TRPM3: variants seen among roughly 807,000 people sequenced by gnomAD.
The protein encoded by TRPM3 is transient receptor potential cation channel subfamily M member 3.
In TRPM3, 77 loss-of-function variants were observed where a neutral mutation model predicts 181.2. That is an observed-to-expected ratio of 0.42 (90% CI 0.35 to 0.51). TRPM3 has a LOEUF of 0.51. Ranked by LOEUF, TRPM3 falls within the 20% of genes least tolerant of loss-of-function variation. The pLI, the probability that TRPM3 is intolerant of heterozygous loss-of-function variation, is 0.01. For missense variants in TRPM3, 1,759 were observed against 2,196.7 expected (o/e 0.80, Z 3.98); for synonymous variants, 745 against 796.4 (o/e 0.94, Z 1.09).
intron 22 of TRPM3, among the ~76,000 whole-genome samples, chr9:70,563,384 A>T: frequency 6.6e-6 from 1 of 152,178 alleles, no homozygotes; most frequent in East Asian, 1.9e-4. Flanking sequence ...GTGTTGATAG[A>T]TACCTGATAA....
chr9:70,804,381 A>G (rs1588586490), intron 6 of TRPM3, among the ~76,000 whole-genome samples: 1 of 152,190 alleles, frequency 6.6e-6, no homozygotes, highest in African/African-American at 2.4e-5. Flanking sequence ...TCTTTATTGG[A>G]TATACTATGT....
At chr9:71,137,044 A>AC (rs1237870286) in intron 1 of TRPM3, among the ~76,000 whole-genome samples, 2 of 152,164 alleles carry the variant, frequency 1.3e-5, no homozygotes, top group Non-Finnish European at 2.9e-5. Flanking sequence ...CTGAACCAAG[A>AC]CTAGTACAAG....
chr9:71,030,068 T>C (rs931294633), intron 1 of TRPM3, among the ~76,000 whole-genome samples: 1 of 152,228 alleles, frequency 6.6e-6, no homozygotes, highest in Non-Finnish European at 1.5e-5. Flanking sequence ...ATAAGATCTC[T>C]AAGTATACAC....
chr9:70,535,219 A>G lies in TRPM3; in HGVS notation c.*734T>C. 1 of 605,134 alleles carries G rather than the reference A, an allele frequency of 1.7e-6. No homozygotes were observed. Among genetic ancestry groups the G allele is most frequent in the South Asian group, 2.5e-5 (1 of 39,772 alleles). 37.5% of individuals were successfully genotyped at this position (605,134 alleles called of 1,614,324 possible). A position where few individuals can be genotyped will look rare whatever the true frequency, so the allele number is the denominator to read the frequency against. ...CTTGACTTTTGTTTTTTTAACATCA[A>G]CTCTTCTTTCATTTCGATTGCAATA... On this transcript the variant is annotated 3_prime_UTR_variant, in exon 26 of 26. Transcript: ENST00000677713.
chr9:70,879,869 C>A (rs1030964098), intron 1 of TRPM3, among the ~76,000 whole-genome samples: 11 of 152,086 alleles, frequency 7.2e-5, no homozygotes, highest in Non-Finnish European at 1.6e-4. Context: ...TACACTGAAT[C>A]ACATGTGCAA....
Position 71,039,272 on chromosome 9 carries a change from T to G in TRPM3, c.177+81906A>C, listed in dbSNP as rs182502457. On this transcript the variant is annotated intron_variant, in intron 1 of 25. Coordinates refer to ENST00000677713, the MANE Select transcript of TRPM3 (RefSeq NM_001366145.2). ...CTGTCTCTAAGCTTCAGCTTTCTCA[T>G]GTGCAGAATCAAGAATTCAAAACTA... 1.8e-4 allele frequency among the ~76,000 whole-genome samples: 27 copies of G among 152,136 alleles called. 1 individual carries two copies. The highest frequency in any genetic ancestry group is 1.8e-3 in the Admixed American group (27 of 15,260).
At chr9:70,951,547 A>G (rs1015144677) in intron 1 of TRPM3, among the ~76,000 whole-genome samples, 1 of 152,084 alleles carries the variant, frequency 6.6e-6, no homozygotes, top group African/African-American at 2.4e-5. Flanking sequence ...TCATCATGTT[A>G]GCCAGACTGG....
At chr9:71,294,897 G>A (rs886176531) in intron 1 of TRPM3, among the ~76,000 whole-genome samples, 2 of 152,048 alleles carry the variant, frequency 1.3e-5, no homozygotes, top group African/African-American at 2.4e-5. Flanking sequence ...CCATTTATAT[G>A]AAATGGACAA....
Position 70,783,988 on chromosome 9 carries a change from G to C in TRPM3, c.1148+117C>G, listed in dbSNP as rs977204478. The C allele has an allele frequency of 1.4e-5, 21 of 1,480,662 alleles. No individual in the cohort carries two copies. In the Admixed American group the frequency reaches 4.5e-4, roughly 32 times the overall value. 91.7% of individuals were successfully genotyped at this position (1,480,662 alleles called of 1,614,324 possible). On this transcript the variant is annotated intron_variant, in intron 7 of 25. Transcript: ENST00000677713. ...ATGACAGACATTTTTTAGACAATTT[G>C]TTCATAGCTTGTTTTGATTTGAGGT...
intron 22 of TRPM3, among the ~76,000 whole-genome samples, chr9:70,576,041 T>C (rs1381834752): frequency 1.3e-5 from 2 of 152,218 alleles, no homozygotes; most frequent in East Asian, 3.8e-4. Context: ...ATGAGCCATG[T>C]CTCATTTGTA....
At chr9:71,288,427 A>T (rs559111674) in intron 1 of TRPM3, among the ~76,000 whole-genome samples, 1 of 152,210 alleles carries the variant, frequency 6.6e-6, no homozygotes, top group South Asian at 2.1e-4. Context: ...ATACAGGGAG[A>T]CAAACAGACA....
At chr9:70,930,962 A>C (rs1458143472) in intron 1 of TRPM3, among the ~76,000 whole-genome samples, 2 of 152,146 alleles carry the variant, frequency 1.3e-5, no homozygotes. Flanking sequence ...TTAGAAAATG[A>C]GACCTCCAAT....
At chr9:71,048,084 C>A (rs577272933) in intron 1 of TRPM3, among the ~76,000 whole-genome samples, 2 of 152,274 alleles carry the variant, frequency 1.3e-5, no homozygotes, top group Non-Finnish European at 2.9e-5. Context: ...TAGGTTGGTA[C>A]AAAAGTTATC....
At chr9:70,784,025 T>C in intron 7 of TRPM3, 80 bp downstream of exon 7, 2 of 1,516,878 alleles carry the variant, frequency 1.3e-6, no homozygotes, top group Non-Finnish European at 1.8e-6. Context: ...TTGGTTGAGC[T>C]ACTGAAAACA....
intron 24 of TRPM3, among the ~76,000 whole-genome samples, chr9:70,551,910 G>A (rs1363249750): frequency 6.6e-6 from 1 of 152,208 alleles, no homozygotes. Context: ...TAATGTAAAT[G>A]TCTAGAAAGA....
chr9:71,024,083 T>C (rs2097869537), intron 1 of TRPM3, among the ~76,000 whole-genome samples: 1 of 152,206 alleles, frequency 6.6e-6, no homozygotes. Flanking sequence ...AGATGCAAAA[T>C]GTATCATTGG....
In TRPM3 at chr9:71,037,475, G is replaced by A. The variant is rs117787999; in HGVS notation, c.177+83703C>T. 4.9e-3 allele frequency among the ~76,000 whole-genome samples: 754 copies of A among 152,362 alleles called. 18 individuals carry two copies. In the East Asian group the frequency reaches 0.078, roughly 16 times the overall value. On this transcript the variant is annotated intron_variant, in intron 1 of 25. Transcript: ENST00000677713. ...ACATTTTTATGTAAATATGTGATAT[G>A]TGTGCATATAATATATGGCTTCAAA...
At chr9:70,700,262 C>T (rs985586115) in intron 8 of TRPM3, among the ~76,000 whole-genome samples, 9 of 152,230 alleles carry the variant, frequency 5.9e-5, no homozygotes, top group Middle Eastern at 3.4e-3. Flanking sequence ...GGATTATAGG[C>T]GTGAGCCACC....
chr9:70,565,061 C>T (rs2871324), intron 22 of TRPM3, among the ~76,000 whole-genome samples: 93,497 of 152,056 alleles, frequency 0.61, 29,381 homozygotes, highest in East Asian at 0.83. Flanking sequence ...AGAATCCAGA[C>T]AATAGGCAGT....
Sources: allele counts gnomAD v4.1 joint callset (sites outside exome capture counted in the v4.1 genomes callset), GRCh38; gene constraint gnomAD v4.1.1; transcripts MANE v1.5; gene names NCBI Gene and HGNC (gene_info 2026-07-23, HGNC 2026-07-21).